The following IMPG1 variants were observed in gnomAD, a reference collection of about 807,000 sequenced individuals.
IMPG1 encodes interphotoreceptor matrix proteoglycan of 150 kDa.
Under a neutral mutation model 92.0 loss-of-function variants are expected in IMPG1, and 85 were observed. The ratio of observed to expected loss-of-function variants is 0.92; its 90% CI spans 0.78 to 1.11. The LOEUF (loss-of-function observed/expected upper bound fraction) is 1.11, where lower values mean the gene tolerates loss of function less well. IMPG1 is among the 50% of genes least tolerant of loss of function. The pLI, the probability that IMPG1 is intolerant of heterozygous loss-of-function variation, is 0.00. For synonymous variants in IMPG1, 367 were observed against 334.1 expected, an observed-to-expected ratio of 1.10 and a Z score of -1.08; for missense variants, 1,022 against 956.0, an observed-to-expected ratio of 1.07 and a Z score of -0.91.
chr6:75,987,749 A>G (rs1782742805), intron 12 of IMPG1, among the ~76,000 whole-genome samples: 1 of 150,112 alleles, frequency 6.7e-6, no homozygotes, highest in African/African-American at 2.5e-5. Context: ...GGTTCACGCC[A>G]TTCTCCTGCC....
chr6:76,039,963 T>C (rs1783806635), intron 2 of IMPG1, among the ~76,000 whole-genome samples: 1 of 152,208 alleles, frequency 6.6e-6, no homozygotes, highest in Non-Finnish European at 1.5e-5. Context: ...TCTCCTAAGT[T>C]TGAAAGATGT....
chr6:75,950,244 C>T (rs572941830), intron 13 of IMPG1, among the ~76,000 whole-genome samples: 47 of 152,238 alleles, frequency 3.1e-4, no homozygotes, highest in African/African-American at 1.1e-3. Context: ...TTTTTAGATT[C>T]CATGTTCAGT....
chr6:75,950,664 T>C lies in IMPG1; in HGVS notation c.1722A>G (p.Val574=), dbSNP rs1269990816. The change falls in exon 13 of 17, where the codon GTA becomes GTG. Residue 574 remains valine (V), a synonymous_variant. Transcript: ENST00000369950. ...TAGCAACACGCAGACTGAAGAACAC[T>C]ACCAGCTCTCGGCCCTTGGGGGCAA... ...MTIAPKGREL[V]VFFSLRVANM... 63 of 1,613,788 alleles carry C rather than the reference T, an allele frequency of 3.9e-5. No individual in the cohort carries two copies. The highest frequency in any genetic ancestry group is 3.3e-4 in the Middle Eastern group (2 of 6,076).
intron 1 of IMPG1, among the ~76,000 whole-genome samples, chr6:76,057,288 C>T (rs1784136189): frequency 1.3e-5 from 2 of 152,050 alleles, no homozygotes. Flanking sequence ...ACATGTGCCT[C>T]TGAACTTAAA....
At chr6:76,022,942 T>A (rs1783458964) in intron 5 of IMPG1, among the ~76,000 whole-genome samples, 1 of 152,230 alleles carries the variant, frequency 6.6e-6, no homozygotes, top group Non-Finnish European at 1.5e-5. Flanking sequence ...AAACATAGAA[T>A]GCCTTAGTTT....
chr6:75,948,935 G>A (rs1781979176), intron 13 of IMPG1, among the ~76,000 whole-genome samples: 1 of 152,152 alleles, frequency 6.6e-6, no homozygotes, highest in Admixed American at 6.5e-5. Flanking sequence ...TTGACCATGT[G>A]AATGAGGAAA....
intron 7 of IMPG1, among the ~76,000 whole-genome samples, chr6:76,014,996 C>A (rs1280330930): frequency 6.6e-6 from 1 of 152,178 alleles, no homozygotes; most frequent in Non-Finnish European, 1.5e-5. Flanking sequence ...GGAGCACTAA[C>A]CACTAAATTG....
intron 14 of IMPG1, among the ~76,000 whole-genome samples, chr6:75,946,647 T>C (rs1470909396): frequency 1.3e-5 from 2 of 152,240 alleles, no homozygotes; most frequent in African/African-American, 4.8e-5. Context: ...AATGTTTGCT[T>C]TCTCTTGTGT....
intron 1 of IMPG1, among the ~76,000 whole-genome samples, chr6:76,052,482 G>A (rs552324385): frequency 6.6e-6 from 1 of 152,304 alleles, no homozygotes; most frequent in African/African-American, 2.4e-5. Flanking sequence ...GCTGCCACCT[G>A]CAGAGGTGCT....
intron 14 of IMPG1, among the ~76,000 whole-genome samples, chr6:75,931,775 A>G (rs1781673366): frequency 6.6e-6 from 1 of 152,176 alleles, no homozygotes; most frequent in African/African-American, 2.4e-5. Flanking sequence ...CTTTCTTGTC[A>G]TTAATTGTTC....
At chr6:76,014,348 G>A (rs1783245797) in intron 7 of IMPG1, among the ~76,000 whole-genome samples, 1 of 152,210 alleles carries the variant, frequency 6.6e-6, no homozygotes, top group African/African-American at 2.4e-5. Flanking sequence ...CTCAGAGGGA[G>A]GAAGGACAGG....
chr6:75,965,861 C>T (rs2149463597), intron 12 of IMPG1, among the ~76,000 whole-genome samples: 1 of 152,272 alleles, frequency 6.6e-6, no homozygotes, highest in Non-Finnish European at 1.5e-5. Flanking sequence ...CCCGCCTTGG[C>T]CTCCCAAAGT....
intron 1 of IMPG1, among the ~76,000 whole-genome samples, chr6:76,064,470 T>C (rs1411280443): frequency 6.6e-6 from 1 of 151,412 alleles, no homozygotes; most frequent in Non-Finnish European, 1.5e-5. Context: ...GCCAGGAATA[T>C]GACAGGGAAG....
chr6:75,941,931 G>A (rs915410236), intron 14 of IMPG1, among the ~76,000 whole-genome samples: 2 of 152,142 alleles, frequency 1.3e-5, no homozygotes, highest in Admixed American at 1.3e-4. Flanking sequence ...GGTTAGGGGA[G>A]GCAGGAGTGG....
intron 1 of IMPG1, among the ~76,000 whole-genome samples, chr6:76,043,047 T>G (rs1316127193): frequency 6.6e-6 from 1 of 152,136 alleles, no homozygotes; most frequent in Non-Finnish European, 1.5e-5. Context: ...AGATCTAAGT[T>G]ACATATAAAT....
rs184062540 is a variant in IMPG1, at chr6:75,948,476, C to T, written c.1825-943G>A. On this transcript the variant is annotated intron_variant, in intron 13 of 16. Transcript: ENST00000369950. ...CTTTTTATTTGCCCCTGTCCCCACC[C>T]CACCACAATTTTGACTCTGACCCAG... Among the ~76,000 whole-genome samples the T allele has an allele frequency of 4.6e-5, 7 of 152,280 alleles. No homozygotes were observed. In the East Asian group the frequency reaches 9.7e-4, roughly 21 times the overall value.
intron 2 of IMPG1, among the ~76,000 whole-genome samples, chr6:76,038,532 C>A (rs1248885833): frequency 6.6e-6 from 1 of 152,154 alleles, no homozygotes. Flanking sequence ...AGTCCCCCAT[C>A]CTTACTGGGG....
chr6:75,974,401 T>TTTCTTTCCTTCC (rs1562354905), intron 12 of IMPG1, among the ~76,000 whole-genome samples: 18 of 92,822 alleles, frequency 1.9e-4, no homozygotes, highest in African/African-American at 6.6e-4. Context: ...CTTTTCTTTC[T>TTTCTTTCCTTCC]TTCCTTCCTT....
At chr6:76,026,648 T>A (rs1783542137) in intron 4 of IMPG1, among the ~76,000 whole-genome samples, 1 of 152,218 alleles carries the variant, frequency 6.6e-6, no homozygotes. Flanking sequence ...TAATTAAACT[T>A]TTCTCCCTGG....
Sources: gnomAD v4.1 joint callset for allele counts (sites outside exome capture counted in the v4.1 genomes callset) on GRCh38, gnomAD v4.1.1 for gene constraint, MANE v1.5 for transcripts, NCBI Gene and HGNC (gene_info 2026-07-23, HGNC 2026-07-21) for gene names.